PRKAR1B: variants seen among roughly 807,000 people sequenced by gnomAD.
PRKAR1B encodes the protein cAMP-dependent protein kinase type I-beta regulatory subunit.
A neutral mutation model predicts 46.5 loss-of-function variants in PRKAR1B; 22 were observed. That is an observed-to-expected ratio of 0.47 (90% CI 0.34 to 0.68). The LOEUF (loss-of-function observed/expected upper bound fraction) is 0.68. Ranked by LOEUF, PRKAR1B falls within the 30% of genes least tolerant of loss-of-function variation. PRKAR1B has a pLI of 0.01. For missense variants in PRKAR1B, 445 were observed against 535.6 expected (o/e 0.83, Z 1.67); for synonymous variants, 259 against 217.7 (o/e 1.19, Z -1.67).
chr7:702,619 C>A, intron 2 of PRKAR1B, among the ~76,000 whole-genome samples: 1 of 152,012 alleles, frequency 6.6e-6, no homozygotes, highest in East Asian at 1.9e-4. Flanking sequence ...GTCAGGAGAT[C>A]GAGACCATCC....
chr7:619,519 A>G (rs1250223818), intron 4 of PRKAR1B, among the ~76,000 whole-genome samples: 3 of 152,238 alleles, frequency 2.0e-5, no homozygotes, highest in African/African-American at 7.2e-5. Context: ...AAGGTCACAC[A>G]GCTAAGGAAT....
At chr7:616,879 T>C (rs1388185914) in intron 4 of PRKAR1B, among the ~76,000 whole-genome samples, 2 of 152,184 alleles carry the variant, frequency 1.3e-5, no homozygotes, top group African/African-American at 4.8e-5. Context: ...CTCGGGCCCT[T>C]TATTCTCCAT....
At position 567,575 on chromosome 7, in the gene PRKAR1B, C is replaced by T. The variant is rs534924137; in HGVS notation, c.891+11681G>A. Among the ~76,000 whole-genome samples the T allele has an allele frequency of 2.7e-3, 404 of 151,996 alleles. 2 individuals carry two copies. Among genetic ancestry groups the T allele is most frequent in the African/African-American group, 9.0e-3 (373 of 41,426 alleles). ...TCACCATCACCTTCATCACCATCAC[C>T]GCCATCATCATCACCATCAGTGGTG... On this transcript the variant is annotated intron_variant, in intron 9 of 10. Transcript: ENST00000537384.
intron 9 of PRKAR1B, among the ~76,000 whole-genome samples, chr7:563,948 C>T (rs756073074): frequency 1.3e-5 from 2 of 152,116 alleles, no homozygotes; most frequent in African/African-American, 4.8e-5. Context: ...TGGGTGCACA[C>T]TGGCTGATTA....
chr7:580,754 A>C (rs1292974575), intron 8 of PRKAR1B, among the ~76,000 whole-genome samples: 1 of 152,062 alleles, frequency 6.6e-6, no homozygotes, highest in Non-Finnish European at 1.5e-5. Context: ...CAAAAAAAAA[A>C]AAAAAAAAAC....
chr7:584,179 C>T (rs542779844), intron 8 of PRKAR1B, among the ~76,000 whole-genome samples: 57 of 152,330 alleles, frequency 3.7e-4, no homozygotes, highest in South Asian at 2.9e-3. Context: ...CAGCTCTACA[C>T]GGACTGGTGT....
intron 4 of PRKAR1B, among the ~76,000 whole-genome samples, chr7:654,413 C>A (rs565741298): frequency 1.3e-5 from 2 of 151,746 alleles, no homozygotes; most frequent in African/African-American, 4.8e-5. Context: ...ATCTTCATCA[C>A]CATCACCATC....
intron 8 of PRKAR1B, among the ~76,000 whole-genome samples, chr7:581,892 A>C (rs1047141296): frequency 6.6e-6 from 1 of 151,920 alleles, no homozygotes; most frequent in African/African-American, 2.4e-5. Flanking sequence ...ACTTTTTAAA[A>C]ATTTTTTGGA....
upstream of PRKAR1B, among the ~76,000 whole-genome samples, chr7:727,855 C>T (rs1449496886): frequency 3.3e-5 from 5 of 150,732 alleles, no homozygotes; most frequent in Admixed American, 1.3e-4. Flanking sequence ...CGAGCCAGCG[C>T]TTCTGTCCAG....
chr7:627,139 C>CA (rs1215821066), intron 4 of PRKAR1B, among the ~76,000 whole-genome samples: 1 of 152,128 alleles, frequency 6.6e-6, no homozygotes. Flanking sequence ...TCCCAAAGTG[C>CA]AGGGATTACA....
At chr7:703,381 T>A (rs1160631612) in intron 2 of PRKAR1B, among the ~76,000 whole-genome samples, 1 of 152,158 alleles carries the variant, frequency 6.6e-6, no homozygotes, top group African/African-American at 2.4e-5. Flanking sequence ...GTGCAGTGGC[T>A]CATGCCTGTA....
chr7:685,569 A>C (rs1460199093), intron 2 of PRKAR1B, among the ~76,000 whole-genome samples: 1 of 151,502 alleles, frequency 6.6e-6, no homozygotes, highest in African/African-American at 2.4e-5. Flanking sequence ...TCCTAGTAAA[A>C]GGATCTCTTA....
chr7:640,482 G>C (rs973691620), intron 4 of PRKAR1B, among the ~76,000 whole-genome samples: 1 of 152,178 alleles, frequency 6.6e-6, no homozygotes, highest in Non-Finnish European at 1.5e-5. Flanking sequence ...CCACAAAGAG[G>C]CTGGGCGCGG....
chr7:610,983 C>A (rs999956261), intron 4 of PRKAR1B, among the ~76,000 whole-genome samples: 4 of 152,214 alleles, frequency 2.6e-5, no homozygotes, highest in African/African-American at 9.7e-5. Context: ...AAGAAAAACA[C>A]GAAGACATTC....
intron 4 of PRKAR1B, among the ~76,000 whole-genome samples, chr7:626,740 G>A (rs1384210698): frequency 6.6e-6 from 1 of 151,128 alleles, no homozygotes; most frequent in East Asian, 1.9e-4. Flanking sequence ...TTAGAGACAG[G>A]GTCTCTGTCA....
chr7:598,343 G>A (rs1309975670), intron 6 of PRKAR1B, among the ~76,000 whole-genome samples: 43 of 86,752 alleles, frequency 5.0e-4, no homozygotes, highest in African/African-American at 1.8e-3. Flanking sequence ...AGCACCCTCC[G>A]CTCTAAACAC....
At chr7:578,302 G>A (rs912421250) in intron 9 of PRKAR1B, among the ~76,000 whole-genome samples, 5 of 152,192 alleles carry the variant, frequency 3.3e-5, no homozygotes, top group South Asian at 2.1e-4. Context: ...GTCTGCGTGC[G>A]GCCACCACGG....
chr7:674,295 T>C (rs1786458022), intron 4 of PRKAR1B, among the ~76,000 whole-genome samples: 1 of 149,016 alleles, frequency 6.7e-6, no homozygotes, highest in African/African-American at 2.5e-5. Flanking sequence ...CCAGCTACTC[T>C]AGTCATGCCC....
chr7:573,523 A>G (rs530513187), intron 9 of PRKAR1B, among the ~76,000 whole-genome samples: 3 of 151,882 alleles, frequency 2.0e-5, no homozygotes, highest in East Asian at 3.9e-4. Flanking sequence ...CCTCCTGGGG[A>G]CTCTGCAGAG....
Sources: allele counts gnomAD v4.1 joint callset (sites outside exome capture counted in the v4.1 genomes callset), GRCh38; gene constraint gnomAD v4.1.1; transcripts MANE v1.5; gene names NCBI Gene and HGNC (gene_info 2026-07-23, HGNC 2026-07-21).